Variants in NTN1 observed in about 807,000 individuals in gnomAD.
The protein encoded by NTN1 is netrin-1.
In NTN1, 11 loss-of-function variants were observed where a neutral mutation model predicts 54.2. The observed-to-expected ratio is 0.20, with a 90% CI of 0.13 to 0.34. NTN1 has a LOEUF of 0.34. Among genes scored for constraint, NTN1 ranks in the 10% least tolerant of loss-of-function variants. The pLI is 1.00. For synonymous variants in NTN1, 371 were observed against 382.0 expected (o/e 0.97, Z 0.33); for missense variants, 740 against 893.1 (o/e 0.83, Z 2.18).
chr17:9,119,652 C>G (rs1204657130), intron 2 of NTN1, among the ~76,000 whole-genome samples: 1 of 152,062 alleles, frequency 6.6e-6, no homozygotes, highest in Non-Finnish European at 1.5e-5. Flanking sequence ...GCATGCTACA[C>G]CACACCTGGC....
At chr17:9,123,079 T>A (rs1339581817) in intron 2 of NTN1, among the ~76,000 whole-genome samples, 2 of 152,214 alleles carry the variant, frequency 1.3e-5, no homozygotes, top group African/African-American at 4.8e-5. Flanking sequence ...CTGTACATCT[T>A]CAAGGAATAA....
In NTN1 at chr17:9,134,372, C is replaced by A. The variant is rs934790170; in HGVS notation, c.1019-28441C>A. ...TAACTGGGTGCTCACCCTCTCTCCC[C>A]CCAGAGCACTCCCTCCGGTTTCTGT... On this transcript the variant is annotated intron_variant, in intron 2 of 6. Transcript: ENST00000173229. 2.0e-5 allele frequency among the ~76,000 whole-genome samples: 3 copies of A among 152,266 alleles called. No homozygotes were observed. In the South Asian group the frequency reaches 6.2e-4, roughly 32 times the overall value.
intron 2 of NTN1, among the ~76,000 whole-genome samples, chr17:9,116,780 C>G (rs1055520818): frequency 1.3e-5 from 2 of 152,034 alleles, no homozygotes; most frequent in Non-Finnish European, 2.9e-5. Flanking sequence ...CTTCTCTTCT[C>G]CAGAAAAGGT....
intron 2 of NTN1, among the ~76,000 whole-genome samples, chr17:9,136,666 A>G (rs2092282556): frequency 2.6e-5 from 4 of 152,244 alleles, no homozygotes; most frequent in Admixed American, 2.6e-4. Context: ...ATCAGATTGT[A>G]ACATGATACT....
intron 2 of NTN1, among the ~76,000 whole-genome samples, chr17:9,113,561 G>C (rs909983793): frequency 6.6e-6 from 1 of 152,088 alleles, no homozygotes; most frequent in Non-Finnish European, 1.5e-5. Flanking sequence ...CAAGCTCCGG[G>C]AGAACATGTC....
chr17:9,198,671 G>C (rs1198304527), intron 5 of NTN1, among the ~76,000 whole-genome samples: 6 of 152,162 alleles, frequency 3.9e-5, no homozygotes, highest in Non-Finnish European at 5.9e-5. Context: ...AGTAATGACA[G>C]TCTTACTGAT....
Position 9,097,406 on chromosome 17 carries a change from C to T in NTN1, c.1019-65407C>T, listed in dbSNP as rs558617303. ...TTGGGAGGCTGAGGTGGGCAAATCA[C>T]GAGGTCGGGAGTTCAAGACCAGCCT... On this transcript the variant is annotated intron_variant, in intron 2 of 6. Coordinates refer to ENST00000173229, the MANE Select transcript of NTN1 (RefSeq NM_004822.3). Among the ~76,000 whole-genome samples the T allele has an allele frequency of 1.9e-4, 29 of 152,244 alleles. No homozygotes were observed. The South Asian group carries it at 5.0e-3, about 26-fold the overall frequency.
At chr17:9,150,335 G>T (rs538966001) in intron 2 of NTN1, among the ~76,000 whole-genome samples, 10 of 152,240 alleles carry the variant, frequency 6.6e-5, no homozygotes, top group African/African-American at 2.2e-4. Context: ...GCCATGGAAG[G>T]TTCCAGAACA....
At chr17:9,230,617 T>C (rs4791823) in intron 6 of NTN1, among the ~76,000 whole-genome samples, 67,699 of 152,008 alleles carry the variant, frequency 0.45, 17,974 homozygotes, top group African/African-American at 0.72. Context: ...AAGCTTGCTC[T>C]GGTGAGAGCC....
At chr17:9,180,413 C>G (rs561761640) in intron 4 of NTN1, among the ~76,000 whole-genome samples, 33 of 152,306 alleles carry the variant, frequency 2.2e-4, no homozygotes, top group African/African-American at 7.7e-4. Flanking sequence ...CGTGGGAGAC[C>G]CCCCAAGCTC....
chr17:9,205,813 A>T (rs1212891045), intron 5 of NTN1, among the ~76,000 whole-genome samples: 1 of 152,162 alleles, frequency 6.6e-6, no homozygotes, highest in Non-Finnish European at 1.5e-5. Flanking sequence ...GAACACTTGT[A>T]CCTCTGTTTT....
chr17:9,195,714 A>G (rs1207872558), intron 5 of NTN1, among the ~76,000 whole-genome samples: 1 of 152,162 alleles, frequency 6.6e-6, no homozygotes, highest in East Asian at 1.9e-4. Flanking sequence ...TGAGGCCCTC[A>G]GCGTACAGAC....
intron 2 of NTN1, among the ~76,000 whole-genome samples, chr17:9,148,450 C>T (rs150243562): frequency 3.3e-5 from 5 of 152,152 alleles, no homozygotes; most frequent in South Asian, 2.1e-4. Flanking sequence ...TAAAAAAAAC[C>T]GTTGCGTGAA....
chr17:9,078,458 G>C (rs966539340), intron 2 of NTN1, among the ~76,000 whole-genome samples: 1 of 152,186 alleles, frequency 6.6e-6, no homozygotes. Flanking sequence ...CCTGTCCCCC[G>C]GAATCTCTGG....
chr17:9,084,962 G>A (rs1174871340), intron 2 of NTN1, among the ~76,000 whole-genome samples: 11 of 152,102 alleles, frequency 7.2e-5, no homozygotes. Context: ...GTTCTTTGCA[G>A]TTTCTAACAC....
intron 2 of NTN1, among the ~76,000 whole-genome samples, chr17:9,088,803 TCTC>T (rs1382247942): frequency 6.6e-6 from 1 of 152,156 alleles, no homozygotes; most frequent in Admixed American, 6.5e-5. Flanking sequence ...AATCTGTTGT[TCTC>T]CTTCCAGTAT....
Position 9,128,321 on chromosome 17 carries a change from A to C in NTN1, c.1019-34492A>C, listed in dbSNP as rs963922476. 7.9e-4 allele frequency among the ~76,000 whole-genome samples: 120 copies of C among 151,374 alleles called. 2 individuals are homozygous for C. In the Middle Eastern group the frequency reaches 0.014, roughly 17 times the overall value. On this transcript the variant is annotated intron_variant, in intron 2 of 6. Coordinates refer to ENST00000173229, the MANE Select transcript of NTN1 (RefSeq NM_004822.3). ...TGAGACTCTGTCTCAAAAAAAAAAAAAAAAAAGTATCCCAGGCTGCCCCGA... is the reference window on the plus strand; with the variant it reads ...TGAGACTCTGTCTCAAAAAAAAAAACAAAAAAGTATCCCAGGCTGCCCCGA...
chr17:9,241,346 C>T lies in NTN1; in HGVS notation c.*1378C>T, dbSNP rs1476499774. ...TCTGCCCGTGCCCTCCACTGTGCCCCAGCCCTCCTTCCAAAATCTCCTAGA... is the reference window on the plus strand; with the variant it reads ...TCTGCCCGTGCCCTCCACTGTGCCCTAGCCCTCCTTCCAAAATCTCCTAGA... On this transcript the variant is annotated 3_prime_UTR_variant, in exon 7 of 7. Coordinates refer to ENST00000173229, the MANE Select transcript of NTN1 (RefSeq NM_004822.3). 6.5e-6 allele frequency: 1 copy of T among 152,780 alleles called. No homozygotes were observed. The highest frequency in any genetic ancestry group is 1.5e-5 in the Non-Finnish European group (1 of 68,460). 9.5% of individuals were successfully genotyped at this position (152,780 alleles called of 1,614,324 possible). A position where few individuals can be genotyped will look rare whatever the true frequency, so the allele number is the denominator to read the frequency against.
chr17:9,108,581 CATT>C (rs1430492584), intron 2 of NTN1, among the ~76,000 whole-genome samples: 2 of 152,198 alleles, frequency 1.3e-5, no homozygotes, highest in Non-Finnish European at 2.9e-5. Flanking sequence ...GAACTTAAAA[CATT>C]ATTCAGTAGA....
Sources: allele counts gnomAD v4.1 joint callset (sites outside exome capture counted in the v4.1 genomes callset), GRCh38; gene constraint gnomAD v4.1.1; transcripts MANE v1.5; gene names NCBI Gene and HGNC (gene_info 2026-07-23, HGNC 2026-07-21).